IL15: variants seen among roughly 807,000 people sequenced by gnomAD.
IL15 encodes the protein interleukin 15, also known as interleukin-15.
Under a neutral mutation model 19.6 loss-of-function variants are expected in IL15, and 11 were observed. The ratio of observed to expected loss-of-function variants is 0.56; its 90% CI spans 0.35 to 0.93. IL15 has a LOEUF of 0.93. Among genes scored for constraint, IL15 ranks in the 40% least tolerant of loss-of-function variants. The pLI, the probability that IL15 is intolerant of heterozygous loss-of-function variation, is 0.01. For synonymous variants in IL15, 58 were observed against 59.6 expected (o/e 0.97, Z 0.12); for missense variants, 197 against 186.5 (o/e 1.06, Z -0.33).
chr4:141,650,181 G>T (rs1324180751), intron 1 of IL15, among the ~76,000 whole-genome samples: 2 of 151,726 alleles, frequency 1.3e-5, no homozygotes, highest in Non-Finnish European at 2.9e-5. Flanking sequence ...AGTGAGCCAG[G>T]ATGAAATGGA....
At chr4:141,693,016 C>CAAAAAAAAAAAAAAAAAAA (rs70949131) in intron 2 of IL15, among the ~76,000 whole-genome samples, 261 of 23,234 alleles carry the variant, frequency 0.011, 65 homozygotes, top group East Asian at 0.016. Flanking sequence ...GACTCCGTCT[C>CAAAAAAAAAAAAAAAAAAA]AAAAAAAAAA....
intron 1 of IL15, among the ~76,000 whole-genome samples, chr4:141,638,453 G>A (rs1350976389): frequency 6.6e-6 from 1 of 152,200 alleles, no homozygotes; most frequent in African/African-American, 2.4e-5. Context: ...TAGGCAGGGT[G>A]TTCCCATACT....
intron 2 of IL15, chr4:141,704,673 GTCTTT>G (rs570768332): frequency 9.2e-5 from 24 of 261,100 alleles, no homozygotes; most frequent in Non-Finnish European, 1.5e-4. Flanking sequence ...TCAGGTCCTG[GTCTTT>G]TCTTTGATGA....
intron 2 of IL15, among the ~76,000 whole-genome samples, chr4:141,695,272 CTTTT>C (rs34115620): frequency 2.0e-3 from 128 of 62,584 alleles, no homozygotes; most frequent in African/African-American, 9.9e-3. Flanking sequence ...TCTATGATAC[CTTTT>C]TTTTTTTTTT....
chr4:141,676,651 A>G (rs1054339098), intron 2 of IL15, among the ~76,000 whole-genome samples: 3 of 152,210 alleles, frequency 2.0e-5, no homozygotes, highest in African/African-American at 7.2e-5. Flanking sequence ...ACAAGCCATG[A>G]AGGCCATTAG....
rs189197698 is a variant in IL15, at chr4:141,687,433, G to A, written c.-100+31126G>A. On this transcript the variant is annotated intron_variant, in intron 2 of 7. Transcript: ENST00000320650. Reference sequence around the variant, plus strand: ...AGCCTGCCTGCTGACAGCATCTGCTGCAAACTCAGGATGATTTTTAGGAGG... The same window carrying A: ...AGCCTGCCTGCTGACAGCATCTGCTACAAACTCAGGATGATTTTTAGGAGG... 1.4e-4 allele frequency among the ~76,000 whole-genome samples: 22 copies of A among 152,282 alleles called. No individual in the cohort carries two copies. In the East Asian group the frequency reaches 4.3e-3, roughly 29 times the overall value.
At chr4:141,668,945 T>C (rs1365547298) in intron 2 of IL15, among the ~76,000 whole-genome samples, 1 of 152,232 alleles carries the variant, frequency 6.6e-6, no homozygotes, top group African/African-American at 2.4e-5. Context: ...TGTTCTGGGC[T>C]GTCACTTACT....
In IL15 at chr4:141,686,472, G is replaced by A. The variant is rs542642347; in HGVS notation, c.-100+30165G>A. On this transcript the variant is annotated intron_variant, in intron 2 of 7. Coordinates refer to ENST00000320650, the MANE Select transcript of IL15 (RefSeq NM_000585.5). ...CATGAGCCCAGAAGTGAGACCACAT[G>A]TTCAAATCCTGACACTGCCTACTCC... Among the ~76,000 whole-genome samples the A allele has an allele frequency of 2.6e-5, 4 of 152,304 alleles. No homozygotes were observed. In the East Asian group the frequency reaches 7.7e-4, roughly 29 times the overall value.
chr4:141,642,485 G>T (rs1441381510), intron 1 of IL15, among the ~76,000 whole-genome samples: 3 of 152,144 alleles, frequency 2.0e-5, no homozygotes. Flanking sequence ...GGATTACCAT[G>T]GGTTACTGTG....
intron 2 of IL15, among the ~76,000 whole-genome samples, chr4:141,680,118 T>C (rs1728484980): frequency 6.6e-6 from 1 of 152,180 alleles, no homozygotes; most frequent in Admixed American, 6.5e-5. Context: ...GTTTATCTGT[T>C]TTTCTTTTGG....
intron 1 of IL15, among the ~76,000 whole-genome samples, chr4:141,645,480 G>A (rs997306323): frequency 2.0e-4 from 31 of 152,092 alleles, no homozygotes; most frequent in African/African-American, 7.5e-4. Flanking sequence ...GAGAATAGGT[G>A]TTATTTTCCA....
intron 2 of IL15, among the ~76,000 whole-genome samples, chr4:141,657,187 CAG>C (rs1727638402): frequency 6.6e-6 from 1 of 151,966 alleles, no homozygotes; most frequent in Admixed American, 6.6e-5. Flanking sequence ...TATCTAAACA[CAG>C]AAAAGATACA....
chr4:141,655,376 G>GA (rs772979471), intron 1 of IL15, among the ~76,000 whole-genome samples: 213 of 140,798 alleles, frequency 1.5e-3, no homozygotes, highest in African/African-American at 2.9e-3. Context: ...AAAGCAAAAA[G>GA]AAAAAAAAAA....
At chr4:141,679,092 C>T (rs1384164056) in intron 2 of IL15, among the ~76,000 whole-genome samples, 2 of 152,106 alleles carry the variant, frequency 1.3e-5, no homozygotes, top group Non-Finnish European at 2.9e-5. Flanking sequence ...TCCCAGATTA[C>T]AACTAGCTCA....
chr4:141,730,011 T>G, intron 7 of IL15, 27 bp downstream of exon 7: 1 of 1,576,592 alleles, frequency 6.3e-7, no homozygotes, highest in Admixed American at 1.7e-5. Context: ...TTGCTTAGAG[T>G]TGCATCTTAT....
At chr4:141,720,028 T>C (rs1476125705) in intron 3 of IL15, among the ~76,000 whole-genome samples, 1 of 152,152 alleles carries the variant, frequency 6.6e-6, no homozygotes, top group African/African-American at 2.4e-5. Context: ...TTAATATAAT[T>C]CATTTTCATA....
intron 5 of IL15, among the ~76,000 whole-genome samples, chr4:141,726,485 A>G (rs1223992262): frequency 4.6e-5 from 7 of 152,194 alleles, no homozygotes; most frequent in South Asian, 2.1e-4. Flanking sequence ...GATCATTCAT[A>G]CATTGCTGGT....
chr4:141,722,064 T>C, intron 5 of IL15, 56 bp downstream of exon 5: 1 of 1,472,284 alleles, frequency 6.8e-7, no homozygotes, highest in Non-Finnish European at 9.1e-7. Context: ...AGTTTGTCTC[T>C]CTCTGTGTTT....
At chr4:141,697,715 G>T (rs1031326879) in intron 2 of IL15, among the ~76,000 whole-genome samples, 1 of 151,846 alleles carries the variant, frequency 6.6e-6, no homozygotes, top group African/African-American at 2.4e-5. Flanking sequence ...TCCTTGTAGA[G>T]GTCTTTCACC....
Sources: gnomAD v4.1 joint callset for allele counts (sites outside exome capture counted in the v4.1 genomes callset) on GRCh38, gnomAD v4.1.1 for gene constraint, MANE v1.5 for transcripts, NCBI Gene and HGNC (gene_info 2026-07-23, HGNC 2026-07-21) for gene names.